ANKFN1: variants seen among roughly 807,000 people sequenced by gnomAD.
ANKFN1 encodes ankyrin repeat and fibronectin type-III domain-containing protein 1.
In ANKFN1, 74 loss-of-function variants were observed where a neutral mutation model predicts 108.7. The ratio of observed to expected loss-of-function variants is 0.68; its 90% CI spans 0.56 to 0.83. The LOEUF (loss-of-function observed/expected upper bound fraction) is 0.83, where lower values mean the gene tolerates loss of function less well. Among genes scored for constraint, ANKFN1 ranks in the 40% least tolerant of loss-of-function variants. ANKFN1 has a pLI of 0.00. For missense variants in ANKFN1, 1,505 were observed against 1,382.3 expected (o/e 1.09, Z -1.41); for synonymous variants, 547 against 516.2 (o/e 1.06, Z -0.81).
chr17:56,403,673 C>G (rs1200439181), intron 8 of ANKFN1, among the ~76,000 whole-genome samples: 1 of 152,106 alleles, frequency 6.6e-6, no homozygotes, highest in Non-Finnish European at 1.5e-5. Context: ...ATATGGGGTA[C>G]TGTTGCATTC....
At chr17:56,262,690 A>G (rs1415960599) in intron 3 of ANKFN1, among the ~76,000 whole-genome samples, 1 of 152,236 alleles carries the variant, frequency 6.6e-6, no homozygotes, top group African/African-American at 2.4e-5. Flanking sequence ...GATCATCTTG[A>G]GACAGCCATA....
In ANKFN1 at chr17:56,120,944, C is replaced by T. The variant is rs191846611; in HGVS notation, c.288+74619C>T. Among the ~76,000 whole-genome samples, 22 of 152,262 alleles carry T rather than the reference C, an allele frequency of 1.4e-4. No homozygotes were observed. The East Asian group carries it at 4.1e-3, about 28-fold the overall frequency. On this transcript the variant is annotated intron_variant, in intron 4 of 12. Transcript: ENST00000635860. Reference sequence around the variant, plus strand: ...ATCCATTTAGTCATCATTACTCAAACTCTTTAATGATTTTGAATTTATCGA... The same window carrying T: ...ATCCATTTAGTCATCATTACTCAAATTCTTTAATGATTTTGAATTTATCGA...
At position 56,092,136 on chromosome 17, in the gene ANKFN1, G is replaced by T. The variant is rs1281457244; in HGVS notation, c.288+45811G>T. ...GTGCCCCAGGGCAGCTGGAAAAAAG[G>T]GTTGGTACAAATTAGAAATGGTCTG... On this transcript the variant is annotated intron_variant, in intron 4 of 12. Coordinates refer to the ANKFN1 transcript ENST00000635860. Among the ~76,000 whole-genome samples, 3 of 151,516 alleles carry T rather than the reference G, an allele frequency of 2.0e-5. No homozygotes were observed. The East Asian group carries it at 5.8e-4, about 29-fold the overall frequency.
intron 11 of ANKFN1, among the ~76,000 whole-genome samples, chr17:56,456,032 C>T (rs77722588): frequency 0.017 from 2,614 of 152,232 alleles, 62 homozygotes; most frequent in African/African-American, 0.059. Context: ...ACAGAAGTGA[C>T]GAGATGATAT....
chr17:56,141,022 G>A (rs1907888513), intron 4 of ANKFN1, among the ~76,000 whole-genome samples: 1 of 152,136 alleles, frequency 6.6e-6, no homozygotes, highest in Non-Finnish European at 1.5e-5. Flanking sequence ...AATGATTTAA[G>A]CATTGATTTG....
chr17:56,233,224 A>G (rs1225365394), intron 3 of ANKFN1, among the ~76,000 whole-genome samples: 14 of 152,084 alleles, frequency 9.2e-5, no homozygotes, highest in Non-Finnish European at 2.1e-4. Context: ...AGAAACAAAA[A>G]ACAACTTTGA....
intron 3 of ANKFN1, among the ~76,000 whole-genome samples, chr17:56,311,378 C>T (rs2045021399): frequency 6.6e-6 from 1 of 152,184 alleles, no homozygotes; most frequent in African/African-American, 2.4e-5. Flanking sequence ...ATAAGGGACT[C>T]ATCAAGTACA....
At chr17:56,340,931 C>A (rs754992822) in intron 4 of ANKFN1, among the ~76,000 whole-genome samples, 12 of 152,050 alleles carry the variant, frequency 7.9e-5, no homozygotes, top group Non-Finnish European at 1.8e-4. Context: ...TCTTCCTATC[C>A]ATGAGCATGG....
intron 4 of ANKFN1, among the ~76,000 whole-genome samples, chr17:56,141,923 CTTTTTTTTT>C (rs34394014): frequency 1.0e-5 from 1 of 95,654 alleles, no homozygotes; most frequent in Non-Finnish European, 1.9e-5. Context: ...CGATGGTGTA[CTTTTTTTTT>C]TTTTTTTTTT....
At chr17:56,055,572 T>TATATATATATATATAC (rs1904857669) in intron 4 of ANKFN1, among the ~76,000 whole-genome samples, 2 of 101,724 alleles carry the variant, frequency 2.0e-5, no homozygotes, top group Admixed American at 9.1e-5. Context: ...TATACATATA[T>TATATATATATATATAC]ATATATATAT....
At chr17:56,296,203 C>A (rs2044505306) in intron 3 of ANKFN1, among the ~76,000 whole-genome samples, 1 of 151,944 alleles carries the variant, frequency 6.6e-6, no homozygotes, top group African/African-American at 2.4e-5. Flanking sequence ...GGTGAGGGGG[C>A]AGGGTGTGAA....
intron 4 of ANKFN1, among the ~76,000 whole-genome samples, chr17:56,109,097 C>G (rs1288042680): frequency 1.3e-5 from 2 of 152,176 alleles, no homozygotes; most frequent in Non-Finnish European, 2.9e-5. Flanking sequence ...CTTGACATCT[C>G]TGAGTCTCAG....
intron 8 of ANKFN1, among the ~76,000 whole-genome samples, chr17:56,387,076 G>C (rs1373241708): frequency 6.6e-6 from 1 of 151,788 alleles, no homozygotes; most frequent in Non-Finnish European, 1.5e-5. Flanking sequence ...TTGAACATTT[G>C]ACTATTTTGT....
intron 3 of ANKFN1, among the ~76,000 whole-genome samples, chr17:56,311,755 G>A (rs2045033147): frequency 6.6e-6 from 1 of 152,188 alleles, no homozygotes; most frequent in Admixed American, 6.5e-5. Context: ...TGCATTGGGT[G>A]TATATGAAAT....
At chr17:56,220,816 A>G (rs199970772) in intron 2 of ANKFN1, among the ~76,000 whole-genome samples, 88 of 66,192 alleles carry the variant, frequency 1.3e-3, no homozygotes, top group Middle Eastern at 7.9e-3. Flanking sequence ...GGGAGGAAGG[A>G]AGGAAGGAAG....
At position 56,442,979 on chromosome 17, in the gene ANKFN1, A is replaced by T. The variant is rs115193873; in HGVS notation, c.1099+46A>T. The T allele has an allele frequency of 4.4e-6, 7 of 1,582,880 alleles. No homozygotes were observed. The African/African-American group carries it at 8.1e-5, about 18-fold the overall frequency. On this transcript the variant is annotated intron_variant, in intron 10 of 20. Transcript: ENST00000682825. ...CTCTCCAGCATGGTAACAGACTCCA[A>T]CTGCAACTCCATCTTCAGGGTGCCA...
intron 4 of ANKFN1, chr17:56,046,461 C>G (rs983813155): frequency 6.6e-6 from 1 of 152,156 alleles, no homozygotes; most frequent in African/African-American, 2.4e-5. Context: ...TCCTCCTCTT[C>G]CAAAGGAGGT....
intron 10 of ANKFN1, among the ~76,000 whole-genome samples, chr17:56,443,376 A>C (rs2049179065): frequency 6.6e-6 from 1 of 152,150 alleles, no homozygotes; most frequent in African/African-American, 2.4e-5. Context: ...TAAAGAAAAA[A>C]ACAAAAACCA....
intron 3 of ANKFN1, among the ~76,000 whole-genome samples, chr17:56,315,617 A>G (rs1354930959): frequency 6.6e-6 from 1 of 152,206 alleles, no homozygotes; most frequent in Non-Finnish European, 1.5e-5. Flanking sequence ...AGGTGCATCC[A>G]GTAGGTTTCA....
Sources: gnomAD v4.1 joint callset for allele counts (sites outside exome capture counted in the v4.1 genomes callset) on GRCh38, gnomAD v4.1.1 for gene constraint, MANE v1.5 for transcripts, NCBI Gene and HGNC (gene_info 2026-07-23, HGNC 2026-07-21) for gene names.